The following COL25A1 variants were observed in gnomAD, a reference collection of about 807,000 sequenced individuals.
COL25A1 encodes the protein collagen type XXV alpha 1 chain.
A neutral mutation model predicts 128.4 loss-of-function variants in COL25A1; 103 were observed. The observed-to-expected ratio is 0.80, with a 90% CI of 0.68 to 0.94. COL25A1 has a LOEUF of 0.94. COL25A1 is among the 40% of genes least tolerant of loss of function. The pLI is 0.00. For missense variants in COL25A1, 745 were observed against 840.0 expected, an observed-to-expected ratio of 0.89 and a Z score of 1.40; for synonymous variants, 279 against 277.2, an observed-to-expected ratio of 1.01 and a Z score of -0.06.
At chr4:109,030,013 G>A (rs796657001) in intron 5 of COL25A1, among the ~76,000 whole-genome samples, 7 of 152,216 alleles carry the variant, frequency 4.6e-5, no homozygotes, top group African/African-American at 1.2e-4. Flanking sequence ...TGCTACGGAC[G>A]TTAATACACC....
intron 3 of COL25A1, among the ~76,000 whole-genome samples, chr4:109,243,927 T>C (rs1377296992): frequency 1.3e-5 from 2 of 152,080 alleles, no homozygotes; most frequent in African/African-American, 2.4e-5. Context: ...GCATGTAGAA[T>C]TACTTGTCTC....
chr4:109,049,789 T>C (rs755935783), intron 4 of COL25A1, among the ~76,000 whole-genome samples: 4 of 152,086 alleles, frequency 2.6e-5, no homozygotes, highest in Admixed American at 6.6e-5. Flanking sequence ...CCTATATAGA[T>C]GGAAACGTGG....
chr4:109,106,626 A>T (rs1225792759), intron 3 of COL25A1, among the ~76,000 whole-genome samples: 2 of 152,172 alleles, frequency 1.3e-5, no homozygotes, highest in Non-Finnish European at 2.9e-5. Flanking sequence ...ATTTGTGTGT[A>T]TATCTTACTA....
At chr4:108,879,966 G>A (rs1459506988) in intron 19 of COL25A1, among the ~76,000 whole-genome samples, 3 of 150,816 alleles carry the variant, frequency 2.0e-5, no homozygotes, top group South Asian at 2.1e-4. Context: ...CTGCCACCAC[G>A]CCCAGCTAAT....
chr4:109,152,854 A>G (rs1578300759), intron 3 of COL25A1, among the ~76,000 whole-genome samples: 1 of 152,272 alleles, frequency 6.6e-6, no homozygotes, highest in East Asian at 1.9e-4. Flanking sequence ...GGTGGTTGCC[A>G]GGGGCAGGGA....
chr4:109,019,839 T>C (rs1757565097), intron 5 of COL25A1, among the ~76,000 whole-genome samples: 2 of 152,208 alleles, frequency 1.3e-5, no homozygotes. Flanking sequence ...GAGGAGGCTA[T>C]GTATACACCT....
At chr4:109,267,646 C>G (rs1297017854) in intron 3 of COL25A1, among the ~76,000 whole-genome samples, 1 of 152,096 alleles carries the variant, frequency 6.6e-6, no homozygotes, top group Non-Finnish European at 1.5e-5. Flanking sequence ...ATCCAAAAAT[C>G]TGAAATCTGA....
intron 6 of COL25A1, among the ~76,000 whole-genome samples, chr4:108,975,860 T>C (rs1246440395): frequency 6.6e-6 from 1 of 152,176 alleles, no homozygotes; most frequent in African/African-American, 2.4e-5. Flanking sequence ...AATTGTCCTG[T>C]TGATTTGCTA....
chr4:109,022,272 G>C (rs1177963116), intron 5 of COL25A1: 7 of 413,382 alleles, frequency 1.7e-5, no homozygotes, highest in Non-Finnish European at 2.9e-5. Flanking sequence ...AAAATAGAAA[G>C]AACCTACACT....
intron 2 of COL25A1, 26 bp downstream of exon 2, chr4:109,301,697 G>A (rs1364810349): frequency 6.2e-7 from 1 of 1,600,212 alleles, no homozygotes; most frequent in East Asian, 2.2e-5. Flanking sequence ...TGTTACCCAC[G>A]TGCAAAATAC....
At chr4:108,972,714 T>C (rs1752040091) in intron 8 of COL25A1, among the ~76,000 whole-genome samples, 1 of 152,174 alleles carries the variant, frequency 6.6e-6, no homozygotes, top group Non-Finnish European at 1.5e-5. Flanking sequence ...AAATGGGCTC[T>C]GAATTGAGTG....
chr4:108,969,827 C>G (rs1560950312), intron 8 of COL25A1, among the ~76,000 whole-genome samples: 1 of 149,188 alleles, frequency 6.7e-6, no homozygotes, highest in Non-Finnish European at 1.5e-5. Context: ...ACATAGTTTC[C>G]TGGTCTACTT....
intron 14 of COL25A1, among the ~76,000 whole-genome samples, chr4:108,900,730 G>T (rs1269391421): frequency 6.6e-6 from 1 of 152,078 alleles, no homozygotes; most frequent in Non-Finnish European, 1.5e-5. Context: ...TTGGGGAAAA[G>T]CCATAGTGAA....
At chr4:109,004,969 C>A (rs536726380) in intron 6 of COL25A1, among the ~76,000 whole-genome samples, 11 of 152,016 alleles carry the variant, frequency 7.2e-5, no homozygotes, top group African/African-American at 2.7e-4. Context: ...ACAATTCTGT[C>A]CAAGTCTTTT....
chr4:108,857,860 C>A (rs146260046), intron 24 of COL25A1, among the ~76,000 whole-genome samples: 207 of 152,210 alleles, frequency 1.4e-3, no homozygotes, highest in African/African-American at 4.7e-3. Context: ...TGTCACCAAG[C>A]TTACAATCTC....
rs1734929509 is a variant in COL25A1 at position 108,845,106 on chromosome 4, C to A, written c.1578+83G>T. The stretch of plus-strand genomic sequence containing the variant: ...GGTCTGTCTACTGTTGTGCAGCCAT[C>A]TGGCAGAGGTGGAATAGGTAAGTAA... On this transcript the variant is annotated intron_variant, in intron 29 of 37. Coordinates refer to ENST00000399132, the MANE Select transcript of COL25A1 (RefSeq NM_198721.4). The A allele has an allele frequency of 8.6e-6, 10 of 1,167,366 alleles. No individual in the cohort carries two copies. In the Admixed American group the frequency reaches 1.7e-4, roughly 20 times the overall value. 72.3% of individuals were successfully genotyped at this position (1,167,366 alleles called of 1,614,324 possible). A position where few individuals can be genotyped will look rare whatever the true frequency, so the allele number is the denominator to read the frequency against.
chr4:109,176,262 T>C (rs1029101357), intron 3 of COL25A1, among the ~76,000 whole-genome samples: 1 of 152,130 alleles, frequency 6.6e-6, no homozygotes, highest in African/African-American at 2.4e-5. Context: ...TGGTGGTGCA[T>C]ACTTGTAGTC....
intron 3 of COL25A1, among the ~76,000 whole-genome samples, chr4:109,161,539 C>A (rs537426061): frequency 2.1e-4 from 32 of 152,220 alleles, no homozygotes; most frequent in African/African-American, 7.5e-4. Context: ...GAAGATGAAT[C>A]TGAATTGTTA....
chr4:108,982,888 T>C (rs1290492271), intron 6 of COL25A1, among the ~76,000 whole-genome samples: 1 of 152,142 alleles, frequency 6.6e-6, no homozygotes, highest in East Asian at 1.9e-4. Context: ...CAGTCTTAAA[T>C]CAAAAGCAGC....
Sources: gnomAD v4.1 joint callset for allele counts (sites outside exome capture counted in the v4.1 genomes callset) on GRCh38, gnomAD v4.1.1 for gene constraint, MANE v1.5 for transcripts, NCBI Gene and HGNC (gene_info 2026-07-23, HGNC 2026-07-21) for gene names.